Variants in SKAP1 observed in about 807,000 individuals in gnomAD.
SKAP1 encodes the protein src kinase associated phosphoprotein 1.
A neutral mutation model predicts 58.5 loss-of-function variants in SKAP1; 44 were observed. That is an observed-to-expected ratio of 0.75 (90% CI 0.59 to 0.97). SKAP1 has a LOEUF of 0.97. Ranked by LOEUF, SKAP1 falls within the 50% of genes least tolerant of loss-of-function variation. SKAP1 has a pLI of 0.00. For synonymous variants in SKAP1, 127 were observed against 149.7 expected (o/e 0.85, Z 1.11); for missense variants, 390 against 435.2 (o/e 0.90, Z 0.92).
chr17:48,315,010 A>G (rs1177987702), intron 4 of SKAP1, among the ~76,000 whole-genome samples: 2 of 152,328 alleles, frequency 1.3e-5, no homozygotes, highest in East Asian at 3.9e-4. Context: ...ATTCCAGGAA[A>G]CAGAGAGAAA....
chr17:48,225,949 G>A (rs1403988011), intron 4 of SKAP1, among the ~76,000 whole-genome samples: 1 of 152,224 alleles, frequency 6.6e-6, no homozygotes, highest in Non-Finnish European at 1.5e-5. Context: ...CAGCCAGGGT[G>A]ATGTATAGCT....
chr17:48,336,673 C>T (rs1478490526), intron 4 of SKAP1, among the ~76,000 whole-genome samples: 1 of 138,786 alleles, frequency 7.2e-6, no homozygotes, highest in Non-Finnish European at 1.6e-5. Flanking sequence ...AAGGGAGGAC[C>T]CAAAGCGTAA....
chr17:48,202,781 A>G (rs1229944742), intron 4 of SKAP1, among the ~76,000 whole-genome samples: 1 of 152,246 alleles, frequency 6.6e-6, no homozygotes, highest in Non-Finnish European at 1.5e-5. Flanking sequence ...AAACGGGGAA[A>G]AAAAGAAAAA....
At chr17:48,234,782 T>G (rs892688080) in intron 4 of SKAP1, among the ~76,000 whole-genome samples, 1 of 151,858 alleles carries the variant, frequency 6.6e-6, no homozygotes, top group Non-Finnish European at 1.5e-5. Flanking sequence ...AAAAGCAAAA[T>G]TACAAATGTA....
At chr17:48,215,105 A>G (rs2064923033) in intron 4 of SKAP1, among the ~76,000 whole-genome samples, 1 of 152,018 alleles carries the variant, frequency 6.6e-6, no homozygotes. Flanking sequence ...TAAATTATAG[A>G]GAAATAAAAA....
chr17:48,220,376 G>A (rs77716357), intron 4 of SKAP1, among the ~76,000 whole-genome samples: 4,122 of 152,268 alleles, frequency 0.027, 175 homozygotes, highest in African/African-American at 0.092. Context: ...GGAACTACAT[G>A]TGTTTTGCTA....
intron 11 of SKAP1, among the ~76,000 whole-genome samples, chr17:48,157,573 A>C (rs1011251956): frequency 1.4e-5 from 2 of 143,802 alleles, no homozygotes; most frequent in African/African-American, 2.6e-5. Context: ...TCTGTTGCCC[A>C]GGCTGGAGTG....
chr17:48,206,574 C>T (rs2064813440), intron 4 of SKAP1, among the ~76,000 whole-genome samples: 1 of 151,804 alleles, frequency 6.6e-6, no homozygotes, highest in Admixed American at 6.6e-5. Flanking sequence ...TATAACCACA[C>T]TCGAAACATG....
chr17:48,217,466 GC>G (rs1462097778), intron 4 of SKAP1, among the ~76,000 whole-genome samples: 1 of 152,060 alleles, frequency 6.6e-6, no homozygotes, highest in Non-Finnish European at 1.5e-5. Context: ...GGGCAACAGG[GC>G]AAAACCCCAT....
In SKAP1 at chr17:48,205,088, TTCTC is replaced by T. The variant is rs55806288; in HGVS notation, c.281-15592_281-15589del. On this transcript the variant is annotated intron_variant, in intron 4 of 12. Transcript: ENST00000336915. Reference sequence around the variant, plus strand: ...TCTCTCTCTCTCTTTCTTTCTTTCCTTCTCTCTCTCTCTCTCTCTCTCTGTCTCT... The same window carrying T: ...TCTCTCTCTCTCTTTCTTTCTTTCCTTCTCTCTCTCTCTCTCTCTGTCTCT... 1.7e-3 allele frequency among the ~76,000 whole-genome samples: 240 copies of T among 137,642 alleles called. 3 individuals carry two copies. Among genetic ancestry groups the T allele is most frequent in the South Asian group, 2.6e-3 (11 of 4,170 alleles). The allele number at this position is 137,642 out of a possible 152,430, so 90.3% of individuals were successfully genotyped here.
intron 2 of SKAP1, among the ~76,000 whole-genome samples, chr17:48,365,115 T>C (rs1029023198): frequency 5.6e-5 from 8 of 143,352 alleles, no homozygotes; most frequent in Non-Finnish European, 1.2e-4. Context: ...GTTACTGTTT[T>C]TTTGTTTTTG....
chr17:48,257,966 C>A (rs372019530), intron 4 of SKAP1, among the ~76,000 whole-genome samples: 2 of 151,974 alleles, frequency 1.3e-5, no homozygotes, highest in African/African-American at 4.8e-5. Context: ...ATGAGAAAAG[C>A]GACCCAACAT....
chr17:48,255,181 C>T (rs1049075280), intron 4 of SKAP1, among the ~76,000 whole-genome samples: 2 of 151,926 alleles, frequency 1.3e-5, no homozygotes, highest in Non-Finnish European at 2.9e-5. Flanking sequence ...TTGGGCTTAT[C>T]TTGTTTTTAA....
At chr17:48,302,056 G>A (rs1055455641) in intron 4 of SKAP1, among the ~76,000 whole-genome samples, 1 of 152,240 alleles carries the variant, frequency 6.6e-6, no homozygotes, top group Non-Finnish European at 1.5e-5. Flanking sequence ...GTAAAATAGC[G>A]TATCATAATG....
At chr17:48,199,227 T>C (rs1361492257) in intron 4 of SKAP1, among the ~76,000 whole-genome samples, 12 of 152,216 alleles carry the variant, frequency 7.9e-5, no homozygotes, top group Admixed American at 7.8e-4. Flanking sequence ...TCATGTCACA[T>C]TCCTGCTTAA....
At chr17:48,161,569 T>A (rs556041852) in intron 11 of SKAP1, among the ~76,000 whole-genome samples, 3 of 152,354 alleles carry the variant, frequency 2.0e-5, no homozygotes, top group South Asian at 2.1e-4. Flanking sequence ...ATCCTTTTTT[T>A]AAAAAACCAG....
At chr17:48,250,938 T>C (rs901778339) in intron 4 of SKAP1, among the ~76,000 whole-genome samples, 1 of 152,140 alleles carries the variant, frequency 6.6e-6, no homozygotes, top group African/African-American at 2.4e-5. Context: ...AAAATAACTA[T>C]GCATTAAAAA....
intron 4 of SKAP1, among the ~76,000 whole-genome samples, chr17:48,214,805 C>T (rs1020834668): frequency 1.3e-5 from 2 of 151,482 alleles, no homozygotes; most frequent in African/African-American, 2.4e-5. Flanking sequence ...GCCTGTAGTC[C>T]CAGCTACTTG....
At chr17:48,286,702 G>A (rs1389610076) in intron 4 of SKAP1, among the ~76,000 whole-genome samples, 1 of 152,172 alleles carries the variant, frequency 6.6e-6, no homozygotes, top group African/African-American at 2.4e-5. Context: ...ACACACACTC[G>A]ACTTCTTCCT....
Sources: gnomAD v4.1 joint callset for allele counts (sites outside exome capture counted in the v4.1 genomes callset) on GRCh38, gnomAD v4.1.1 for gene constraint, MANE v1.5 for transcripts, NCBI Gene and HGNC (gene_info 2026-07-23, HGNC 2026-07-21) for gene names.